The following PRCP variants were observed in gnomAD, a reference collection of about 807,000 sequenced individuals.
PRCP encodes the protein prolylcarboxypeptidase, also known as lysosomal Pro-X carboxypeptidase.
A neutral mutation model predicts 54.2 loss-of-function variants in PRCP; 46 were observed. The observed-to-expected ratio is 0.85, with a 90% CI of 0.67 to 1.09. The LOEUF is 1.09. Among genes scored for constraint, PRCP ranks in the 50% least tolerant of loss-of-function variants. PRCP has a pLI of 0.00. For synonymous variants in PRCP, 240 were observed against 212.2 expected (o/e 1.13, Z -1.14); for missense variants, 613 against 596.8 (o/e 1.03, Z -0.28).
At chr11:82,849,806 T>A (rs575376689) in intron 5 of PRCP, 108 bp downstream of exon 5, 1 of 1,017,244 alleles carries the variant, frequency 9.8e-7, no homozygotes, top group Non-Finnish European at 1.3e-6. Context: ...ATTTTCTGTA[T>A]GTACATTATA....
rs146602964 is a variant in PRCP at position 82,880,310 on chromosome 11, G to A, written c.168+19925C>T. 6.5e-3 allele frequency among the ~76,000 whole-genome samples: 988 copies of A among 152,334 alleles called. 5 individuals carry two copies. Among genetic ancestry groups the A allele is most frequent in the African/African-American group, 0.021 (873 of 41,576 alleles). On this transcript the variant is annotated intron_variant, in intron 1 of 8. Transcript: ENST00000313010. Reference sequence around the variant, plus strand: ...TCAGACTGCTGTGCTAGCAGTGAGCGAGGCTCTGTGGGTGTGGGACCCTCT... The same window carrying A: ...TCAGACTGCTGTGCTAGCAGTGAGCAAGGCTCTGTGGGTGTGGGACCCTCT...
intron 1 of PRCP, among the ~76,000 whole-genome samples, chr11:82,862,645 A>T (rs1454090076): frequency 6.6e-6 from 1 of 152,204 alleles, no homozygotes; most frequent in African/African-American, 2.4e-5. Context: ...TCAAAACTTT[A>T]CCTAACTGCA....
chr11:82,877,702 G>A (rs1017350711), intron 1 of PRCP, among the ~76,000 whole-genome samples: 16 of 152,270 alleles, frequency 1.1e-4, no homozygotes, highest in African/African-American at 3.9e-4. Flanking sequence ...GCATGGAAAT[G>A]CCTGGATGCC....
intron 6 of PRCP, chr11:82,839,886 T>A (rs1858619473): frequency 5.6e-6 from 1 of 178,970 alleles, no homozygotes; most frequent in Non-Finnish European, 1.2e-5. Flanking sequence ...TGTTTCCAAG[T>A]TGGGAAGAAT....
chr11:82,875,143 A>C (rs544171424), intron 1 of PRCP, among the ~76,000 whole-genome samples: 3 of 152,280 alleles, frequency 2.0e-5, no homozygotes, highest in Admixed American at 2.0e-4. Context: ...AAATAATCTC[A>C]ATTGTTCTTC....
intron 8 of PRCP, 140 bp downstream of exon 8, chr11:82,838,247 C>T (rs1858571371): frequency 1.4e-6 from 1 of 733,044 alleles, no homozygotes; most frequent in African/African-American, 1.8e-5. Flanking sequence ...TCCTATCTTT[C>T]AAGGCATAGG....
intron 1 of PRCP, among the ~76,000 whole-genome samples, chr11:82,887,286 T>G (rs1263720486): frequency 6.6e-6 from 1 of 152,224 alleles, no homozygotes; most frequent in African/African-American, 2.4e-5. Flanking sequence ...TACTTGTGAC[T>G]ATCTTCTTTC....
Position 82,839,407 on chromosome 11 carries a change from T to C in PRCP, c.940A>G (p.Lys314Glu). Residue 314 changes from lysine (K) to glutamate (E), a missense_variant, in exon 7 of 9, where the codon AAA becomes GAA. Transcript: ENST00000313010. ...WPIKVVCQYL[K>E]NPNVSDSLLL... ...AGTGAATCAGATACATTGGGATTTT[T>C]CAAATACTGGCACACTACCTGTCAT... The C allele has an allele frequency of 6.2e-7, 1 of 1,612,524 alleles. No individual in the cohort carries two copies. The highest frequency in any genetic ancestry group is 8.5e-7 in the Non-Finnish European group (1 of 1,179,040).
chr11:82,862,886 A>G lies in PRCP; in HGVS notation c.169-2769T>C, dbSNP rs187007719. Among the ~76,000 whole-genome samples, 666 of 152,334 alleles carry G rather than the reference A, an allele frequency of 4.4e-3. 6 individuals are homozygous for G. Among genetic ancestry groups the G allele is most frequent in the Admixed American group, 8.7e-3 (133 of 15,300 alleles). On this transcript the variant is annotated intron_variant, in intron 1 of 8. Coordinates refer to ENST00000313010, the MANE Select transcript of PRCP (RefSeq NM_005040.4). ...GCCAAGTACTAAGCTAAGCAATGGG[A>G]TAAAGAGTTGGCTGAGCTGCAATCC...
chr11:82,890,495 T>C (rs1423210140), intron 1 of PRCP, among the ~76,000 whole-genome samples: 1 of 152,178 alleles, frequency 6.6e-6, no homozygotes, highest in Non-Finnish European at 1.5e-5. Context: ...CCAATTCTAT[T>C]TCTTTCTTGT....
chr11:82,825,584 C>A, intron 8 of PRCP: 1 of 146,800 alleles, frequency 6.8e-6, no homozygotes, highest in Non-Finnish European at 1.5e-5. Flanking sequence ...GCCTGGGCAA[C>A]ATGGTGAAAC....
At chr11:82,883,202 G>A (rs117308580) in intron 1 of PRCP, among the ~76,000 whole-genome samples, 6,442 of 152,220 alleles carry the variant, frequency 0.042, 193 homozygotes, top group Non-Finnish European at 0.058. Flanking sequence ...TAGCAGCATC[G>A]AAGTAGCTAT....
At chr11:82,856,591 T>C (rs1450920805) in intron 2 of PRCP, among the ~76,000 whole-genome samples, 1 of 152,042 alleles carries the variant, frequency 6.6e-6, no homozygotes, top group Non-Finnish European at 1.5e-5. Context: ...CTATGCTTAC[T>C]ACCTAGGTGA....
At chr11:82,832,206 T>A (rs550214462) in intron 8 of PRCP, among the ~76,000 whole-genome samples, 3 of 152,214 alleles carry the variant, frequency 2.0e-5, no homozygotes, top group African/African-American at 7.2e-5. Flanking sequence ...TTAGAATGAT[T>A]TTTAATCCTT....
intron 6 of PRCP, chr11:82,840,026 A>C (rs546639170): frequency 1.3e-5 from 2 of 152,228 alleles, no homozygotes; most frequent in African/African-American, 4.8e-5. Context: ...TCTGGTAAGT[A>C]AATGTTTGCT....
intron 1 of PRCP, among the ~76,000 whole-genome samples, chr11:82,897,969 G>T (rs1225346231): frequency 6.6e-6 from 1 of 152,094 alleles, no homozygotes; most frequent in Non-Finnish European, 1.5e-5. Flanking sequence ...AAGCCTTACA[G>T]TTTTAATAAT....
At chr11:82,892,591 G>A (rs978487106) in intron 1 of PRCP, among the ~76,000 whole-genome samples, 5 of 152,018 alleles carry the variant, frequency 3.3e-5, no homozygotes, top group Non-Finnish European at 7.4e-5. Flanking sequence ...TTATAATAAA[G>A]CTAGGCAAAA....
chr11:82,886,571 A>C (rs1018157781), intron 1 of PRCP, among the ~76,000 whole-genome samples: 2 of 152,228 alleles, frequency 1.3e-5, no homozygotes, highest in Admixed American at 6.5e-5. Context: ...GGTGTGAACC[A>C]ACATGTTTGG....
At chr11:82,873,034 G>A (rs1398192169) in intron 1 of PRCP, among the ~76,000 whole-genome samples, 1 of 150,188 alleles carries the variant, frequency 6.7e-6, no homozygotes, top group African/African-American at 2.5e-5. Context: ...GCAATAGGAA[G>A]CCTTCAAGAG....
Sources: allele counts gnomAD v4.1 joint callset (sites outside exome capture counted in the v4.1 genomes callset), GRCh38; gene constraint gnomAD v4.1.1; transcripts MANE v1.5; gene names NCBI Gene and HGNC (gene_info 2026-07-23, HGNC 2026-07-21).